The following IL1RAPL2 variants were observed in gnomAD, a reference collection of about 807,000 sequenced individuals.
IL1RAPL2 encodes the protein interleukin 1 receptor accessory protein like 2.
In IL1RAPL2, 3 loss-of-function variants were observed where a neutral mutation model predicts 44.1. That is an observed-to-expected ratio of 0.07 (90% CI 0.03 to 0.18). The LOEUF (loss-of-function observed/expected upper bound fraction) is 0.18. Among genes scored for constraint, IL1RAPL2 ranks in the 10% least tolerant of loss-of-function variants. The pLI, the probability that IL1RAPL2 is intolerant of heterozygous loss-of-function variation, is 1.00. For missense variants in IL1RAPL2, 391 were observed against 496.4 expected (o/e 0.79, Z 2.02); for synonymous variants, 181 against 178.8 (o/e 1.01, Z -0.10).
intron 4 of IL1RAPL2, among the ~76,000 whole-genome samples, chrX:105,262,867 CAGTT>C (rs1314181504): frequency 1.8e-5 from 2 of 110,754 alleles, no homozygotes; most frequent in African/African-American, 6.6e-5. Flanking sequence ...AAACTGCAGA[CAGTT>C]CAGTTTCCCT....
intron 2 of IL1RAPL2, among the ~76,000 whole-genome samples, chrX:104,857,290 A>T (rs147077243): frequency 1.8e-5 from 2 of 111,826 alleles, no homozygotes; most frequent in Non-Finnish European, 3.8e-5. Context: ...TGCAGGTGGC[A>T]GAGTGTTGAG....
chrX:104,610,169 A>G (rs1929118054), intron 1 of IL1RAPL2, among the ~76,000 whole-genome samples: 1 of 111,324 alleles, frequency 9.0e-6, no homozygotes, highest in East Asian at 2.8e-4. Context: ...ACCCACAGCC[A>G]ATATCATACT....
chrX:104,849,834 A>G (rs1336812412), intron 2 of IL1RAPL2, among the ~76,000 whole-genome samples: 1 of 111,481 alleles, frequency 9.0e-6, no homozygotes, highest in African/African-American at 3.3e-5. Flanking sequence ...GTTAATTACT[A>G]TATTTTAACA....
chrX:104,983,392 A>G (rs1000388809), intron 2 of IL1RAPL2, among the ~76,000 whole-genome samples: 2 of 98,405 alleles, frequency 2.0e-5, no homozygotes, highest in African/African-American at 7.4e-5. Flanking sequence ...TATTAGATAT[A>G]TATAATATTA....
intron 6 of IL1RAPL2, among the ~76,000 whole-genome samples, chrX:105,507,979 A>C (rs1273132761): frequency 9.0e-6 from 1 of 111,205 alleles, no homozygotes; most frequent in African/African-American, 3.3e-5. Context: ...GCGAAGGAGA[A>C]AATCCCTAAT....
intron 5 of IL1RAPL2, among the ~76,000 whole-genome samples, chrX:105,368,330 C>A (rs2035311512): frequency 9.0e-6 from 1 of 111,491 alleles, no homozygotes; most frequent in African/African-American, 3.3e-5. Context: ...GAGGCCCTTA[C>A]CAAATTCAAC....
intron 6 of IL1RAPL2, among the ~76,000 whole-genome samples, chrX:105,527,415 T>C (rs1323306886): frequency 9.9e-6 from 1 of 101,072 alleles, no homozygotes; most frequent in African/African-American, 3.7e-5. Context: ...AAAAAGGACA[T>C]GCAGTATATG....
chrX:105,252,610 C>T (rs1341419329), intron 4 of IL1RAPL2, among the ~76,000 whole-genome samples: 1 of 111,753 alleles, frequency 8.9e-6, no homozygotes, highest in Non-Finnish European at 1.9e-5. Context: ...TAAGCAATGT[C>T]TTTCCTACAG....
intron 2 of IL1RAPL2, among the ~76,000 whole-genome samples, chrX:104,963,421 A>G (rs2030046400): frequency 8.9e-6 from 1 of 111,991 alleles, no homozygotes; most frequent in Non-Finnish European, 1.9e-5. Flanking sequence ...TCTTCAGGAA[A>G]GTTGAGTATG....
At chrX:104,596,391 C>T (rs1341345600) in intron 1 of IL1RAPL2, among the ~76,000 whole-genome samples, 1 of 111,107 alleles carries the variant, frequency 9.0e-6, no homozygotes, top group East Asian at 2.8e-4. Context: ...TAATGTTTTT[C>T]CCATCCAAGT....
chrX:105,311,049 C>T (rs1009209409), intron 5 of IL1RAPL2, among the ~76,000 whole-genome samples: 1 of 110,952 alleles, frequency 9.0e-6, no homozygotes, highest in Non-Finnish European at 1.9e-5. Flanking sequence ...TGAATTGACC[C>T]CTTTGCCATT....
At chrX:105,745,831 A>C (rs2147580434) in intron 8 of IL1RAPL2, among the ~76,000 whole-genome samples, 1 of 110,807 alleles carries the variant, frequency 9.0e-6, no homozygotes, top group Non-Finnish European at 1.9e-5. Flanking sequence ...CTACAGACAC[A>C]CCACCATGCC....
At chrX:104,820,056 T>C (rs1454793103) in intron 2 of IL1RAPL2, among the ~76,000 whole-genome samples, 1 of 111,710 alleles carries the variant, frequency 9.0e-6, no homozygotes, top group African/African-American at 3.3e-5. Flanking sequence ...CACCCTGTGT[T>C]CTCTAGATAA....
chrX:105,035,449 A>G (rs941780758), intron 2 of IL1RAPL2, among the ~76,000 whole-genome samples: 3 of 112,341 alleles, frequency 2.7e-5, no homozygotes, highest in Admixed American at 9.4e-5. Context: ...GACACATCTA[A>G]TTATTCACAT....
chrX:105,038,384 C>T lies in IL1RAPL2; in HGVS notation c.83-157091C>T, dbSNP rs141646094. Among the ~76,000 whole-genome samples the T allele has an allele frequency of 6.4e-4, 72 of 111,718 alleles. No homozygotes were observed. In the East Asian group the frequency reaches 9.1e-3, roughly 14 times the overall value. ...TCTTGTTTTTCTCCTAGTTTACTGT[C>T]TAGTCATTCCCACTTTCCTTTATGT... On this transcript the variant is annotated intron_variant, in intron 2 of 10. Coordinates refer to ENST00000372582, the MANE Select transcript of IL1RAPL2 (RefSeq NM_017416.2).
intron 2 of IL1RAPL2, among the ~76,000 whole-genome samples, chrX:104,851,449 G>T (rs1034372168): frequency 8.9e-6 from 1 of 111,868 alleles, no homozygotes; most frequent in Non-Finnish European, 1.9e-5. Flanking sequence ...TCCCAGAAGG[G>T]ATGTAAGATT....
intron 10 of IL1RAPL2, among the ~76,000 whole-genome samples, chrX:105,762,959 C>G (rs755512087): frequency 2.7e-5 from 3 of 110,147 alleles, no homozygotes; most frequent in Non-Finnish European, 3.8e-5. Flanking sequence ...TAAAATGTCT[C>G]CCAAAAAACC....
chrX:105,593,258 G>A (rs889482982), intron 6 of IL1RAPL2, among the ~76,000 whole-genome samples: 1 of 111,856 alleles, frequency 8.9e-6, no homozygotes, highest in Admixed American at 9.5e-5. Context: ...TGAAATTATT[G>A]TAGTGAGTTT....
chrX:105,605,524 C>G (rs2037286894), intron 6 of IL1RAPL2, among the ~76,000 whole-genome samples: 1 of 111,395 alleles, frequency 9.0e-6, no homozygotes, highest in South Asian at 3.7e-4. Context: ...ATGTACTACC[C>G]AAAATAATCT....
Sources: gnomAD v4.1 joint callset for allele counts (sites outside exome capture counted in the v4.1 genomes callset) on GRCh38, gnomAD v4.1.1 for gene constraint, MANE v1.5 for transcripts, NCBI Gene and HGNC (gene_info 2026-07-23, HGNC 2026-07-21) for gene names.